The following CLMN variants were observed in gnomAD, a reference collection of about 807,000 sequenced individuals.
CLMN encodes the protein calmin.
CLMN carries 57 observed loss-of-function variants against 92.7 expected under a neutral mutation model. The ratio of observed to expected loss-of-function variants is 0.61; its 90% confidence interval spans 0.50 to 0.77. CLMN has a LOEUF of 0.77. Ranked by LOEUF, CLMN falls within the 30% of genes least tolerant of loss-of-function variation. The pLI is 0.00. For synonymous variants in CLMN, 466 were observed against 470.6 expected, an observed-to-expected ratio of 0.99 and a Z score of 0.13; for missense variants, 1,158 against 1,237.5, an observed-to-expected ratio of 0.94 and a Z score of 0.96.
intron 1 of CLMN, among the ~76,000 whole-genome samples, chr14:95,254,639 C>T (rs1041942159): frequency 2.6e-5 from 4 of 152,188 alleles, no homozygotes; most frequent in African/African-American, 9.6e-5. Context: ...CTCCCACAAT[C>T]CAGATGTTCA....
At chr14:95,247,388 C>T (rs1177205956) in intron 1 of CLMN, among the ~76,000 whole-genome samples, 1 of 152,208 alleles carries the variant, frequency 6.6e-6, no homozygotes, top group African/African-American at 2.4e-5. Context: ...TAAGGTGCTG[C>T]ATCTGATTGG....
At chr14:95,211,753 C>G (rs954967131) in intron 6 of CLMN, among the ~76,000 whole-genome samples, 1 of 152,104 alleles carries the variant, frequency 6.6e-6, no homozygotes, top group Non-Finnish European at 1.5e-5. Flanking sequence ...TCTACTCTTT[C>G]CCCAGCTTCC....
chr14:95,216,971 C>T (rs1046926829), intron 4 of CLMN, among the ~76,000 whole-genome samples: 9 of 152,134 alleles, frequency 5.9e-5, no homozygotes, highest in African/African-American at 2.2e-4. Context: ...GGATCACTGC[C>T]CTAAGTCATC....
Position 95,191,716 on chromosome 14 carries a change from C to G in CLMN, c.2857G>C (p.Gly953Arg), listed in dbSNP as rs1896566987. Residue 953 changes from glycine (G) to arginine (R), a missense_variant, in exon 13 of 13, where the codon GGA becomes CGA. By Grantham distance (125) the Gly-to-Arg change is moderately radical. Coordinates refer to ENST00000298912, the MANE Select transcript of CLMN (RefSeq NM_024734.4). The surrounding 1 kb of genome is among the most constrained non-coding windows in gnomAD (Gnocchi z 5.3). The stretch of plus-strand genomic sequence containing the variant: ...TGGCTCCCCAGTGACATGGCTTCTC[C>G]TGAGCTGTTGGCCTTCCTACAGAAG... ...RILTRKANSSGEAMSLGSHSP... is the reference protein window; with the variant it reads ...RILTRKANSSREAMSLGSHSP... 1 of 1,608,438 alleles carries G rather than the reference C, an allele frequency of 6.2e-7. No individual in the cohort carries two copies. The highest frequency in any genetic ancestry group is 1.3e-5 in the African/African-American group (1 of 74,676).
At chr14:95,274,198 C>A (rs961235452) in intron 1 of CLMN, among the ~76,000 whole-genome samples, 2 of 152,108 alleles carry the variant, frequency 1.3e-5, no homozygotes, top group Admixed American at 6.5e-5. Flanking sequence ...TTCTCCTGAA[C>A]GTGTTTAGCC....
intron 10 of CLMN, 33 bp downstream of exon 10, chr14:95,196,465 C>T: frequency 6.3e-7 from 1 of 1,585,312 alleles, no homozygotes; most frequent in Non-Finnish European, 8.6e-7. Context: ...TCTCTGGCTC[C>T]ACCTTACGGG....
intron 1 of CLMN, among the ~76,000 whole-genome samples, chr14:95,283,833 T>C (rs979898231): frequency 1.3e-5 from 2 of 152,240 alleles, no homozygotes; most frequent in African/African-American, 2.4e-5. Flanking sequence ...TTGGAAAATT[T>C]GCAGTCTGAC....
chr14:95,220,467 G>A (rs11628951), intron 4 of CLMN, among the ~76,000 whole-genome samples: 46,950 of 152,014 alleles, frequency 0.31, 7,742 homozygotes, highest in Non-Finnish European at 0.37. Context: ...GTGAGCCACC[G>A]CGCCCAGCCA....
chr14:95,240,127 G>A (rs1024032098), intron 1 of CLMN, among the ~76,000 whole-genome samples: 2 of 152,168 alleles, frequency 1.3e-5, no homozygotes, highest in East Asian at 1.9e-4. Flanking sequence ...AAGCACACTC[G>A]ACAATGTTTG....
chr14:95,299,824 A>C (rs751594379), intron 1 of CLMN, among the ~76,000 whole-genome samples: 1 of 151,920 alleles, frequency 6.6e-6, no homozygotes, highest in East Asian at 1.9e-4. Context: ...CCTCATTTTC[A>C]TTCTCGCCTT....
At chr14:95,219,351 C>T (rs930668558) in intron 4 of CLMN, among the ~76,000 whole-genome samples, 1 of 152,146 alleles carries the variant, frequency 6.6e-6, no homozygotes, top group African/African-American at 2.4e-5. Context: ...TTGAAGGCCC[C>T]ACATTATCAC....
intron 7 of CLMN, among the ~76,000 whole-genome samples, chr14:95,210,115 C>T (rs182327749): frequency 3.9e-5 from 6 of 152,086 alleles, no homozygotes; most frequent in East Asian, 3.9e-4. Context: ...TGCAGTGGCA[C>T]GATCTCAGCT....
chr14:95,262,801 A>C (rs576106969), intron 1 of CLMN, among the ~76,000 whole-genome samples: 152 of 152,288 alleles, frequency 1.0e-3, no homozygotes, highest in African/African-American at 3.5e-3. Flanking sequence ...TCCTGGATTC[A>C]AGCAATCCTC....
At chr14:95,283,840 T>C (rs1900234716) in intron 1 of CLMN, among the ~76,000 whole-genome samples, 1 of 152,232 alleles carries the variant, frequency 6.6e-6, no homozygotes, top group Non-Finnish European at 1.5e-5. Flanking sequence ...ATTTGCAGTC[T>C]GACTATGCGA....
intron 1 of CLMN, among the ~76,000 whole-genome samples, chr14:95,242,654 A>G (rs1177525506): frequency 6.7e-6 from 1 of 150,106 alleles, no homozygotes; most frequent in Non-Finnish European, 1.5e-5. Context: ...AACAACATCC[A>G]CCTCCACAGT....
intron 1 of CLMN, among the ~76,000 whole-genome samples, chr14:95,304,165 T>C (rs990723060): frequency 1.4e-4 from 21 of 152,004 alleles, no homozygotes; most frequent in African/African-American, 5.1e-4. Context: ...TAGTGAGACT[T>C]TGTCTCTACA....
At chr14:95,246,875 G>A (rs1898593335) in intron 1 of CLMN, among the ~76,000 whole-genome samples, 2 of 152,130 alleles carry the variant, frequency 1.3e-5, no homozygotes, top group African/African-American at 4.8e-5. Context: ...AATTCTTATA[G>A]AGTTTAGATC....
At chr14:95,245,444 T>A (rs1166983815) in intron 1 of CLMN, among the ~76,000 whole-genome samples, 1 of 149,454 alleles carries the variant, frequency 6.7e-6, no homozygotes, top group Non-Finnish European at 1.5e-5. Flanking sequence ...CAGTGCCTGG[T>A]GTGTAAGTAC....
chr14:95,275,257 C>T (rs1249278000), intron 1 of CLMN, among the ~76,000 whole-genome samples: 1 of 152,104 alleles, frequency 6.6e-6, no homozygotes, highest in Non-Finnish European at 1.5e-5. Flanking sequence ...GCATTCTTAG[C>T]CACCGGATAA....
Sources: allele counts gnomAD v4.1 joint callset (sites outside exome capture counted in the v4.1 genomes callset), GRCh38; gene constraint gnomAD v4.1.1; non-coding constraint Gnocchi (gnomAD v3.1); transcripts MANE v1.5; gene names NCBI Gene and HGNC (gene_info 2026-07-23, HGNC 2026-07-21).